Variants in NETO2 observed in about 807,000 individuals in gnomAD.
The protein encoded by NETO2 is neuropilin and tolloid-like protein 2.
NETO2 carries 28 observed loss-of-function variants against 62.5 expected under a neutral mutation model. The observed-to-expected ratio is 0.45, with a 90% confidence interval of 0.33 to 0.61. The LOEUF is 0.61. Ranked by LOEUF, NETO2 falls within the 20% of genes least tolerant of loss-of-function variation. NETO2 has a pLI of 0.02. For missense variants in NETO2, 548 were observed against 643.2 expected, an observed-to-expected ratio of 0.85 and a Z score of 1.60; for synonymous variants, 214 against 219.1, an observed-to-expected ratio of 0.98 and a Z score of 0.21.
chr16:47,106,980 C>T (rs1963690047), intron 7 of NETO2, among the ~76,000 whole-genome samples: 3 of 152,042 alleles, frequency 2.0e-5, no homozygotes, highest in Admixed American at 2.0e-4. Context: ...TGGGGTTTTG[C>T]CACATTGCCC....
At chr16:47,089,890 T>C (rs1468856266) in intron 7 of NETO2, among the ~76,000 whole-genome samples, 3 of 152,218 alleles carry the variant, frequency 2.0e-5, no homozygotes, top group African/African-American at 7.2e-5. Context: ...TTTTTATTTA[T>C]ATATCACACT....
chr16:47,094,263 ATTTTT>A (rs35543379), intron 7 of NETO2, among the ~76,000 whole-genome samples: 1 of 137,780 alleles, frequency 7.3e-6, no homozygotes, highest in African/African-American at 2.7e-5. Flanking sequence ...TATCACTTGG[ATTTTT>A]TTTTTTTTTT....
At chr16:47,097,751 G>C (rs561045109) in intron 7 of NETO2, among the ~76,000 whole-genome samples, 17 of 152,332 alleles carry the variant, frequency 1.1e-4, no homozygotes, top group Non-Finnish European at 2.2e-4. Flanking sequence ...AGAAGGGGTC[G>C]ACAGACACCT....
At chr16:47,130,400 G>A (rs1964241182) in intron 2 of NETO2, among the ~76,000 whole-genome samples, 1 of 151,564 alleles carries the variant, frequency 6.6e-6, no homozygotes, top group East Asian at 1.9e-4. Flanking sequence ...TAAAATATGA[G>A]CCCTCAAGGA....
At chr16:47,132,086 C>G in intron 1 of NETO2, 61 bp from the exon 2 acceptor site, 1 of 1,245,460 alleles carries the variant, frequency 8.0e-7, no homozygotes, top group Non-Finnish European at 1.2e-6. Context: ...TTTACTAAGT[C>G]AATAAATAAA....
At chr16:47,114,354 CCAGT>C (rs1365933597) in intron 6 of NETO2, among the ~76,000 whole-genome samples, 2 of 141,312 alleles carry the variant, frequency 1.4e-5, no homozygotes, top group Non-Finnish European at 3.0e-5. Context: ...TTTTTTTCTC[CCAGT>C]CAGTGGCTTT....
At chr16:47,129,425 C>G in intron 2 of NETO2, 61 bp from the exon 3 acceptor site, 2 of 1,528,032 alleles carry the variant, frequency 1.3e-6, no homozygotes, top group Non-Finnish European at 1.8e-6. Context: ...TCTTCTCTTT[C>G]CCCCACCACT....
At chr16:47,107,986 A>T (rs1963709128) in intron 7 of NETO2, among the ~76,000 whole-genome samples, 1 of 152,126 alleles carries the variant, frequency 6.6e-6, no homozygotes, top group South Asian at 2.1e-4. Flanking sequence ...CATGTTGCCC[A>T]GGCTGGTCTC....
chr16:47,120,683 A>G (rs1243841567), intron 6 of NETO2, among the ~76,000 whole-genome samples: 1 of 152,182 alleles, frequency 6.6e-6, no homozygotes, highest in Non-Finnish European at 1.5e-5. Context: ...CACTCTTAAC[A>G]CTATGAAGAC....
chr16:47,096,797 G>A (rs1204141342), intron 7 of NETO2, among the ~76,000 whole-genome samples: 1 of 152,204 alleles, frequency 6.6e-6, no homozygotes, highest in Non-Finnish European at 1.5e-5. Flanking sequence ...TGAGATCAAG[G>A]CAGAAGGCAG....
In NETO2 at chr16:47,083,440, G is replaced by A; in HGVS notation, c.1359C>T (p.Asn453=). 3.1e-6 allele frequency: 5 copies of A among 1,614,210 alleles called. No homozygotes were observed. Among genetic ancestry groups the A allele is most frequent in the Non-Finnish European group, 4.2e-6 (5 of 1,180,034 alleles). ...GGAAAGGAAGTTCCATGGAACTGAG[G>A]TTGGTCCTGCTTTGTTTGACGCTGG... ...QASSVKQSRT[N]LSSMELPFRN... Residue 453 remains asparagine, a synonymous_variant, in exon 9 of 9, where the codon AAC becomes AAT. Coordinates refer to ENST00000562435, the MANE Select transcript of NETO2 (RefSeq NM_018092.5).
chr16:47,133,405 A>AG (rs1472491779), intron 1 of NETO2, among the ~76,000 whole-genome samples: 1 of 151,362 alleles, frequency 6.6e-6, no homozygotes, highest in Non-Finnish European at 1.5e-5. Context: ...AAAAAAAAAA[A>AG]AAATTAGCCA....
chr16:47,133,423 T>C (rs955712576), intron 1 of NETO2, among the ~76,000 whole-genome samples: 1 of 146,494 alleles, frequency 6.8e-6, no homozygotes, highest in African/African-American at 2.5e-5. Context: ...CCAGGCATGG[T>C]GGCATGTGCC....
At chr16:47,116,672 A>G (rs1358131151) in intron 6 of NETO2, among the ~76,000 whole-genome samples, 1 of 152,030 alleles carries the variant, frequency 6.6e-6, no homozygotes, top group Non-Finnish European at 1.5e-5. Flanking sequence ...CATTTCCTGG[A>G]TGATACTAAA....
At chr16:47,105,151 G>A (rs1324343769) in intron 7 of NETO2, among the ~76,000 whole-genome samples, 43 of 152,058 alleles carry the variant, frequency 2.8e-4, no homozygotes, top group Admixed American at 2.8e-3. Flanking sequence ...TCCTGCCTCA[G>A]CCTCCTGTAT....
intron 7 of NETO2, among the ~76,000 whole-genome samples, chr16:47,092,810 G>T (rs543949408): frequency 6.6e-6 from 1 of 152,122 alleles, no homozygotes; most frequent in Non-Finnish European, 1.5e-5. Flanking sequence ...GTGAGCTCCC[G>T]ACATTTCCAG....
At chr16:47,127,495 A>G (rs1964181330) in intron 4 of NETO2, among the ~76,000 whole-genome samples, 1 of 152,220 alleles carries the variant, frequency 6.6e-6, no homozygotes, top group South Asian at 2.1e-4. Context: ...AAAAGATGCC[A>G]TTAGGTTAAG....
At chr16:47,102,085 T>C (rs1449733589) in intron 7 of NETO2, among the ~76,000 whole-genome samples, 1 of 152,012 alleles carries the variant, frequency 6.6e-6, no homozygotes, top group East Asian at 1.9e-4. Flanking sequence ...TCAAAACAGA[T>C]ACATGGACCA....
chr16:47,116,758 T>C (rs1366482431), intron 6 of NETO2, among the ~76,000 whole-genome samples: 3 of 152,202 alleles, frequency 2.0e-5, no homozygotes, highest in Non-Finnish European at 4.4e-5. Flanking sequence ...GTTTTCTTTG[T>C]TAGAAGGTGT....
Sources: allele counts gnomAD v4.1 joint callset (sites outside exome capture counted in the v4.1 genomes callset), GRCh38; gene constraint gnomAD v4.1.1; transcripts MANE v1.5; gene names NCBI Gene and HGNC (gene_info 2026-07-23, HGNC 2026-07-21).